The following LRMDA variants were observed in gnomAD, a reference collection of about 807,000 sequenced individuals.
LRMDA encodes leucine-rich melanocyte differentiation-associated protein.
In LRMDA, 18 loss-of-function variants were observed where a neutral mutation model predicts 29.8. That is an observed-to-expected ratio of 0.60 (90% CI 0.42 to 0.90). The LOEUF (loss-of-function observed/expected upper bound fraction) is 0.90, where lower values mean the gene tolerates loss of function less well. Ranked by LOEUF, LRMDA falls within the 40% of genes least tolerant of loss-of-function variation. LRMDA has a pLI of 0.00. For synonymous variants in LRMDA, 125 were observed against 109.4 expected (o/e 1.14, Z -0.89); for missense variants, 273 against 273.9 (o/e 1.00, Z 0.02).
chr10:76,111,606 G>A (rs1849579770), intron 5 of LRMDA, among the ~76,000 whole-genome samples: 1 of 152,194 alleles, frequency 6.6e-6, no homozygotes, highest in Admixed American at 6.5e-5. Flanking sequence ...TAATAACACA[G>A]CTTTAGAAAA....
intron 6 of LRMDA, among the ~76,000 whole-genome samples, chr10:76,395,112 C>A (rs190356109): frequency 2.6e-5 from 4 of 152,250 alleles, no homozygotes; most frequent in Admixed American, 2.6e-4. Context: ...TAGATACACA[C>A]TGCTGAGATT....
At chr10:75,705,770 G>C (rs956246123) in intron 2 of LRMDA, among the ~76,000 whole-genome samples, 5 of 152,242 alleles carry the variant, frequency 3.3e-5, no homozygotes, top group Admixed American at 1.3e-4. Flanking sequence ...TCCCTGCAGT[G>C]CTGTCTTGAA....
intron 2 of LRMDA, among the ~76,000 whole-genome samples, chr10:75,811,275 G>T (rs1843955153): frequency 6.6e-6 from 1 of 152,098 alleles, no homozygotes; most frequent in Admixed American, 6.6e-5. Context: ...TCATGGGCAA[G>T]CTCCACCCCC....
At chr10:76,096,107 A>T (rs1215228957) in intron 5 of LRMDA, among the ~76,000 whole-genome samples, 2 of 152,078 alleles carry the variant, frequency 1.3e-5, no homozygotes, top group Non-Finnish European at 2.9e-5. Flanking sequence ...TGAAGAGCAA[A>T]AGTTTTAAAG....
chr10:75,585,481 T>C lies in LRMDA; in HGVS notation c.131+146987T>C, dbSNP rs143239981. Among the ~76,000 whole-genome samples, 403 of 152,332 alleles carry C rather than the reference T, an allele frequency of 2.6e-3. 13 individuals carry two copies. In the East Asian group the frequency reaches 0.053, roughly 20 times the overall value. ...GTCTGTCTTTTGGTGAATGTACCCATGTCCATTGGGTACATGCTGAGGAGC... is the reference window on the plus strand; with the variant it reads ...GTCTGTCTTTTGGTGAATGTACCCACGTCCATTGGGTACATGCTGAGGAGC... On this transcript the variant is annotated intron_variant, in intron 2 of 6. Coordinates refer to ENST00000611255, the MANE Select transcript of LRMDA (RefSeq NM_001305581.2).
chr10:76,237,475 G>A (rs1852173171), intron 5 of LRMDA, among the ~76,000 whole-genome samples: 2 of 152,146 alleles, frequency 1.3e-5, no homozygotes, highest in African/African-American at 4.8e-5. Context: ...GATTAGAGCT[G>A]ATTACACTAA....
At chr10:75,840,688 A>G (rs1357496171) in intron 2 of LRMDA, among the ~76,000 whole-genome samples, 1 of 152,244 alleles carries the variant, frequency 6.6e-6, no homozygotes, top group African/African-American at 2.4e-5. Context: ...AGCTTGAGAC[A>G]AGATATTGCT....
At chr10:76,399,453 TC>T (rs1211734428) in intron 6 of LRMDA, among the ~76,000 whole-genome samples, 1 of 152,226 alleles carries the variant, frequency 6.6e-6, no homozygotes, top group Non-Finnish European at 1.5e-5. Flanking sequence ...GCATCCTCAT[TC>T]CAAGCTATAA....
At chr10:76,530,906 G>A (rs1332812067) in intron 6 of LRMDA, among the ~76,000 whole-genome samples, 1 of 152,100 alleles carries the variant, frequency 6.6e-6, no homozygotes, top group Non-Finnish European at 1.5e-5. Context: ...CATGCTTCTG[G>A]GGACAATTGG....
At chr10:76,295,657 C>G (rs932836070) in intron 5 of LRMDA, among the ~76,000 whole-genome samples, 23 of 152,160 alleles carry the variant, frequency 1.5e-4, no homozygotes, top group African/African-American at 5.1e-4. Context: ...ACCCTTATAA[C>G]CAATAAGTGC....
chr10:75,807,518 A>G (rs1159621684), intron 2 of LRMDA, among the ~76,000 whole-genome samples: 1 of 152,206 alleles, frequency 6.6e-6, no homozygotes, highest in African/African-American at 2.4e-5. Flanking sequence ...TGCATCTCAA[A>G]TGTGTGTAAA....
At chr10:76,473,325 G>T (rs946103794) in intron 6 of LRMDA, among the ~76,000 whole-genome samples, 5 of 151,170 alleles carry the variant, frequency 3.3e-5, no homozygotes, top group African/African-American at 9.7e-5. Flanking sequence ...ACACATTCAT[G>T]GTAAAAACAT....
At chr10:75,441,080 G>A (rs577047141) in intron 2 of LRMDA, among the ~76,000 whole-genome samples, 1 of 151,906 alleles carries the variant, frequency 6.6e-6, no homozygotes, top group South Asian at 2.1e-4. Flanking sequence ...CAGGAGAGGG[G>A]GAAAATAGGG....
intron 6 of LRMDA, among the ~76,000 whole-genome samples, chr10:76,489,995 G>A (rs756758921): frequency 2.0e-5 from 3 of 151,696 alleles, no homozygotes; most frequent in Non-Finnish European, 2.9e-5. Context: ...CCAGTCTCAG[G>A]TATTCATAAT....
At chr10:75,591,538 C>G (rs1840724419) in intron 2 of LRMDA, among the ~76,000 whole-genome samples, 2 of 152,156 alleles carry the variant, frequency 1.3e-5, no homozygotes, top group South Asian at 2.1e-4. Context: ...TTTAAACAAA[C>G]AAAGCCCAAA....
In LRMDA at chr10:75,586,587, G is replaced by T. The variant is rs191209855; in HGVS notation, c.131+148093G>T. The stretch of plus-strand genomic sequence containing the variant: ...TGTCCTGAGCTCAAGCAATTCACCT[G>T]CCTTGGCCTCTGAAAGTGCTGGGAG... On this transcript the variant is annotated intron_variant, in intron 2 of 6. Coordinates refer to ENST00000611255, the MANE Select transcript of LRMDA (RefSeq NM_001305581.2). Among the ~76,000 whole-genome samples, 13 of 152,044 alleles carry T rather than the reference G, an allele frequency of 8.6e-5. No homozygotes were observed. In the East Asian group the frequency reaches 1.7e-3, roughly 20 times the overall value.
At position 76,271,595 on chromosome 10, in the gene LRMDA, A is replaced by G. The variant is rs75280475; in HGVS notation, c.517-52806A>G. 7.2e-3 allele frequency among the ~76,000 whole-genome samples: 1,101 copies of G among 152,292 alleles called. 32 individuals carry two copies. In the East Asian group the frequency reaches 0.076, roughly 11 times the overall value. On this transcript the variant is annotated intron_variant, in intron 5 of 6. Transcript: ENST00000611255. ...CATCCATCTTGTTTATTGTTTTCCT[A>G]TAGCTCAAACTATGATCTCATTTTG...
intron 6 of LRMDA, among the ~76,000 whole-genome samples, chr10:76,506,520 A>AC (rs1032285554): frequency 1.3e-5 from 2 of 151,936 alleles, no homozygotes; most frequent in African/African-American, 4.8e-5. Flanking sequence ...ACATTTTTTC[A>AC]CCAAAATTTG....
chr10:76,495,388 A>G (rs1040155299), intron 6 of LRMDA, among the ~76,000 whole-genome samples: 15 of 151,838 alleles, frequency 9.9e-5, no homozygotes, highest in African/African-American at 3.6e-4. Flanking sequence ...TCTTGCCACC[A>G]ATACTATACT....
Sources: allele counts gnomAD v4.1 joint callset (sites outside exome capture counted in the v4.1 genomes callset), GRCh38; gene constraint gnomAD v4.1.1; transcripts MANE v1.5; gene names NCBI Gene and HGNC (gene_info 2026-07-23, HGNC 2026-07-21).